SMURF2: variants seen among roughly 807,000 people sequenced by gnomAD.
The protein encoded by SMURF2 is SMAD specific E3 ubiquitin protein ligase 2.
SMURF2 carries 48 observed loss-of-function variants against 109.6 expected under a neutral mutation model. The observed-to-expected ratio is 0.44, with a 90% CI of 0.35 to 0.56. The LOEUF (loss-of-function observed/expected upper bound fraction) is 0.56, where lower values mean the gene tolerates loss of function less well. SMURF2 is among the 20% of genes least tolerant of loss of function. The probability of loss-of-function intolerance (pLI) is 0.01; values close to 1 mark genes in which losing one functional copy is unlikely to be tolerated. For missense variants in SMURF2, 575 were observed against 909.0 expected (o/e 0.63, Z 4.72); for synonymous variants, 288 against 317.1 (o/e 0.91, Z 0.97).
rs1555691214 is a variant in SMURF2, at chr17:64,626,803, T to C, written c.53-20163A>G. Among the ~76,000 whole-genome samples, 3 of 151,946 alleles carry C rather than the reference T, an allele frequency of 2.0e-5. No individual in the cohort carries two copies. The East Asian group carries it at 5.8e-4, about 29-fold the overall frequency. On this transcript the variant is annotated intron_variant, in intron 1 of 18. Transcript: ENST00000262435. The stretch of plus-strand genomic sequence containing the variant: ...CAAAACAAAACTTACCTGAACACAA[T>C]CTCACTTTGTCATTAAAAAATTGAT...
At chr17:64,614,005 C>T (rs1363747029) in intron 1 of SMURF2, among the ~76,000 whole-genome samples, 1 of 151,884 alleles carries the variant, frequency 6.6e-6, no homozygotes, top group Non-Finnish European at 1.5e-5. Context: ...CCCTCGCATG[C>T]GCAGTTCACA....
chr17:64,662,041 G>A lies in SMURF2; in HGVS notation c.-161C>T. 9.0e-7 allele frequency: 1 copy of A among 1,113,562 alleles called. No individual in the cohort carries two copies. The highest frequency in any genetic ancestry group is 1.1e-6 in the Non-Finnish European group (1 of 912,444). The allele number at this position is 1,113,562 out of a possible 1,614,324, so 69.0% of individuals were successfully genotyped here. ...GTGCCGAGAGTCGTCGCCATGAGCC[G>A]CGGAGGGAGCGGGACGCCGAGCTCC... On this transcript the variant is annotated 5_prime_UTR_variant, in exon 1 of 19. Transcript: ENST00000262435.
intron 1 of SMURF2, among the ~76,000 whole-genome samples, chr17:64,648,579 C>G (rs1180940222): frequency 2.0e-5 from 3 of 152,082 alleles, no homozygotes; most frequent in African/African-American, 7.2e-5. Flanking sequence ...TGAGACCAGC[C>G]TGGGCAACAT....
intron 1 of SMURF2, among the ~76,000 whole-genome samples, chr17:64,610,809 C>T (rs1970033850): frequency 6.6e-6 from 1 of 152,072 alleles, no homozygotes; most frequent in African/African-American, 2.4e-5. Context: ...ACTTCTTTAC[C>T]TCCCACTAAT....
chr17:64,647,348 C>T (rs782539964), intron 1 of SMURF2, among the ~76,000 whole-genome samples: 20 of 151,980 alleles, frequency 1.3e-4, no homozygotes, highest in Non-Finnish European at 2.2e-4. Context: ...CAAATTTTAT[C>T]ACAATGAACT....
intron 10 of SMURF2, among the ~76,000 whole-genome samples, chr17:64,568,028 G>T (rs2144615866): frequency 6.6e-6 from 1 of 152,088 alleles, no homozygotes; most frequent in South Asian, 2.1e-4. Context: ...TAATTTTTTT[G>T]TATTTTTAGT....
intron 1 of SMURF2, among the ~76,000 whole-genome samples, chr17:64,614,100 T>C (rs1970089903): frequency 6.6e-6 from 1 of 152,108 alleles, no homozygotes; most frequent in Non-Finnish European, 1.5e-5. Flanking sequence ...CGATGGGAAG[T>C]GGTTGTAAAT....
intron 2 of SMURF2, among the ~76,000 whole-genome samples, chr17:64,605,411 A>G (rs1969954938): frequency 6.6e-6 from 1 of 151,974 alleles, no homozygotes; most frequent in African/African-American, 2.4e-5. Context: ...TTTCAAGTGG[A>G]ATGAATTAAG....
chr17:64,614,902 C>T (rs146567384), intron 1 of SMURF2, among the ~76,000 whole-genome samples: 28 of 152,214 alleles, frequency 1.8e-4, no homozygotes, highest in Admixed American at 7.9e-4. Context: ...TCTCAAGATA[C>T]GGTTTTAAAC....
chr17:64,582,858 C>T (rs1396387843), intron 7 of SMURF2, among the ~76,000 whole-genome samples: 3 of 151,620 alleles, frequency 2.0e-5, no homozygotes, highest in Admixed American at 2.0e-4. Flanking sequence ...CTTGGCCTTC[C>T]AAAGTGTTGG....
At chr17:64,583,222 A>G (rs1969600973) in intron 7 of SMURF2, among the ~76,000 whole-genome samples, 1 of 152,188 alleles carries the variant, frequency 6.6e-6, no homozygotes, top group African/African-American at 2.4e-5. Flanking sequence ...GCCCTGCCTC[A>G]TTCAATAAAT....
At chr17:64,588,202 A>G (rs1555687315) in intron 5 of SMURF2, among the ~76,000 whole-genome samples, 1 of 152,104 alleles carries the variant, frequency 6.6e-6, no homozygotes. Flanking sequence ...AAGTAATAAC[A>G]ATAACGATAC....
chr17:64,618,062 G>A (rs782469128), intron 1 of SMURF2, among the ~76,000 whole-genome samples: 13 of 151,868 alleles, frequency 8.6e-5, no homozygotes, highest in African/African-American at 1.5e-4. Context: ...TTTACTTATC[G>A]TGATCAGAGG....
rs1189280994 is a variant in SMURF2 at position 64,607,428 on chromosome 17, C to T, written c.53-788G>A. Among the ~76,000 whole-genome samples, 3 of 151,676 alleles carry T rather than the reference C, an allele frequency of 2.0e-5. No homozygotes were observed. The South Asian group carries it at 6.2e-4, about 32-fold the overall frequency. ...GGATCACAATGTCAGGAGTTCGAGA[C>T]CAGCCTGGCCAATATGGTGACACCC... On this transcript the variant is annotated intron_variant, in intron 1 of 18. Coordinates refer to ENST00000262435, the MANE Select transcript of SMURF2 (RefSeq NM_022739.4).
chr17:64,628,858 A>G (rs1970300375), intron 1 of SMURF2, among the ~76,000 whole-genome samples: 1 of 152,148 alleles, frequency 6.6e-6, no homozygotes, highest in Non-Finnish European at 1.5e-5. Flanking sequence ...ACAATTGATC[A>G]TCACAGGGCT....
chr17:64,628,521 A>G (rs563919488), intron 1 of SMURF2, among the ~76,000 whole-genome samples: 1 of 152,156 alleles, frequency 6.6e-6, no homozygotes, highest in African/African-American at 2.4e-5. Flanking sequence ...AATAAGTACT[A>G]TGGCAAAATT....
At chr17:64,619,920 C>T (rs1970180239) in intron 1 of SMURF2, among the ~76,000 whole-genome samples, 1 of 152,050 alleles carries the variant, frequency 6.6e-6, no homozygotes, top group South Asian at 2.1e-4. Flanking sequence ...TAATTGAGTC[C>T]CAATCTGTTT....
At position 64,606,636 on chromosome 17, in the gene SMURF2, G is replaced by T. The variant is rs782083406; in HGVS notation, c.57C>A (p.Leu19=). The T allele has an allele frequency of 5.9e-6, 9 of 1,527,930 alleles. No individual in the cohort carries two copies. Among genetic ancestry groups the T allele is most frequent in the Non-Finnish European group, 8.0e-6 (9 of 1,130,310 alleles). 94.6% of individuals were successfully genotyped at this position (1,527,930 alleles called of 1,614,324 possible). A position where few individuals can be genotyped will look rare whatever the true frequency, so the allele number is the denominator to read the frequency against. The change falls in exon 2 of 19, where the codon CTC becomes CTA. Residue 19 remains leucine, a synonymous_variant. Coordinates refer to ENST00000262435, the MANE Select transcript of SMURF2 (RefSeq NM_022739.4). ...CCTTTTTCACCAGGTTTTTTGCACA[G>T]AGTACTGTAAAAAAAAAAAACAAAA... ...NGPVKLRLTV[L]CAKNLVKKDF...
intron 7 of SMURF2, among the ~76,000 whole-genome samples, chr17:64,582,308 C>T (rs1969589102): frequency 6.6e-6 from 1 of 152,108 alleles, no homozygotes; most frequent in Non-Finnish European, 1.5e-5. Context: ...GTATTTTATG[C>T]CTAGTGCCAG....
Sources: allele counts gnomAD v4.1 joint callset (sites outside exome capture counted in the v4.1 genomes callset), GRCh38; gene constraint gnomAD v4.1.1; transcripts MANE v1.5; gene names NCBI Gene and HGNC (gene_info 2026-07-23, HGNC 2026-07-21).